Variants in CLNS1A observed in about 807,000 individuals in gnomAD.
CLNS1A encodes the protein methylosome subunit pICln.
In CLNS1A, 16 loss-of-function variants were observed where a neutral mutation model predicts 29.4. The observed-to-expected ratio is 0.54, with a 90% confidence interval of 0.37 to 0.83. CLNS1A has a LOEUF of 0.83. Ranked by LOEUF, CLNS1A falls within the 40% of genes least tolerant of loss-of-function variation. The pLI is 0.00. For missense variants in CLNS1A, 235 were observed against 287.4 expected, an observed-to-expected ratio of 0.82 and a Z score of 1.32; for synonymous variants, 96 against 104.8, an observed-to-expected ratio of 0.92 and a Z score of 0.51.
chr11:77,627,186 C>T (rs961829929), intron 2 of CLNS1A, among the ~76,000 whole-genome samples: 2 of 151,574 alleles, frequency 1.3e-5, no homozygotes, highest in African/African-American at 4.8e-5. Flanking sequence ...GTAATCCCAG[C>T]CCTTTGGGAG....
intron 1 of CLNS1A, among the ~76,000 whole-genome samples, chr11:77,636,893 T>C (rs1421927194): frequency 6.6e-6 from 1 of 152,094 alleles, no homozygotes; most frequent in African/African-American, 2.4e-5. Context: ...ACAACCACAA[T>C]ATTTACGGTA....
At chr11:77,629,062 C>T (rs1181503450) in intron 2 of CLNS1A, among the ~76,000 whole-genome samples, 2 of 152,116 alleles carry the variant, frequency 1.3e-5, no homozygotes, top group Non-Finnish European at 2.9e-5. Flanking sequence ...CCCCCTACAA[C>T]CACTGAGACC....
chr11:77,617,367 C>CAAAAAAAAAAAAAAAAAAAAAAAA (rs71043593), intron 6 of CLNS1A, among the ~76,000 whole-genome samples: 1 of 65,878 alleles, frequency 1.5e-5, no homozygotes. Context: ...AACTCCATCT[C>CAAAAAAAAAAAAAAAAAAAAAAAA]AAAAAAAAAA....
intron 2 of CLNS1A, among the ~76,000 whole-genome samples, chr11:77,626,115 G>A (rs1337984563): frequency 6.6e-6 from 1 of 152,004 alleles, no homozygotes; most frequent in East Asian, 1.9e-4. Flanking sequence ...ATGAGCTAAG[G>A]GTCAACTTTT....
intron 1 of CLNS1A, among the ~76,000 whole-genome samples, chr11:77,632,036 C>G (rs923853800): frequency 1.3e-5 from 2 of 152,166 alleles, no homozygotes; most frequent in Non-Finnish European, 2.9e-5. Flanking sequence ...TGCGCCTGGC[C>G]TAAAAGTGAT....
intron 1 of CLNS1A, among the ~76,000 whole-genome samples, chr11:77,631,723 G>T (rs2135775934): frequency 6.6e-6 from 1 of 151,752 alleles, no homozygotes; most frequent in East Asian, 1.9e-4. Flanking sequence ...AGGAAAACTA[G>T]GAAGCTTATA....
chr11:77,619,226 T>C (rs1226477895), intron 6 of CLNS1A, among the ~76,000 whole-genome samples: 1 of 152,196 alleles, frequency 6.6e-6, no homozygotes, highest in East Asian at 1.9e-4. Context: ...AAGAAAAATT[T>C]TTTTAAAGAA....
intron 6 of CLNS1A, among the ~76,000 whole-genome samples, chr11:77,617,401 G>C (rs1565123120): frequency 6.6e-6 from 1 of 150,464 alleles, no homozygotes; most frequent in Non-Finnish European, 1.5e-5. Context: ...AATTAGCCGG[G>C]TGTGGTGGTG....
intron 1 of CLNS1A, among the ~76,000 whole-genome samples, chr11:77,630,187 G>A (rs1285010582): frequency 6.6e-6 from 1 of 151,650 alleles, no homozygotes. Flanking sequence ...ACTCTTTTTT[G>A]GTATGTCTTC....
chr11:77,630,109 A>G (rs144282208), intron 1 of CLNS1A, among the ~76,000 whole-genome samples: 1 of 152,340 alleles, frequency 6.6e-6, no homozygotes, highest in Non-Finnish European at 1.5e-5. Flanking sequence ...CCCTCTAGCT[A>G]TAAATTCAAA....
chr11:77,637,777 C>A lies in CLNS1A; in HGVS notation c.-63G>T. 6.7e-7 allele frequency: 1 copy of A among 1,485,420 alleles called. No individual in the cohort carries two copies. The highest frequency in any genetic ancestry group is 2.3e-5 in the Admixed American group (1 of 42,894). 92.0% of individuals were successfully genotyped at this position (1,485,420 alleles called of 1,614,324 possible). On this transcript the variant is annotated 5_prime_UTR_variant, in exon 1 of 7. Transcript: ENST00000525428. Reference sequence around the variant, plus strand: ...GGAGCACAGCAATGCGTGCACCACACCGCCCGCCCTGGAAGAGGCAGTCAC... The same window carrying A: ...GGAGCACAGCAATGCGTGCACCACAACGCCCGCCCTGGAAGAGGCAGTCAC...
intron 5 of CLNS1A, 186 bp downstream of exon 5, chr11:77,622,314 A>G (rs776344651): frequency 1.7e-6 from 1 of 584,204 alleles, no homozygotes; most frequent in Non-Finnish European, 2.9e-6. Flanking sequence ...CTTTTTTGGT[A>G]ATGAGGAAAA....
chr11:77,624,680 G>A (rs1048558287), intron 4 of CLNS1A, among the ~76,000 whole-genome samples: 2 of 152,066 alleles, frequency 1.3e-5, no homozygotes, highest in Middle Eastern at 3.4e-3. Flanking sequence ...TTAGCCTGGC[G>A]TGGTGGCGCA....
intron 4 of CLNS1A, among the ~76,000 whole-genome samples, chr11:77,623,435 G>GT (rs945980410): frequency 1.3e-4 from 19 of 151,462 alleles, no homozygotes; most frequent in African/African-American, 4.1e-4. Flanking sequence ...CCAAAAAAAT[G>GT]TTTTTTTTAA....
intron 5 of CLNS1A, among the ~76,000 whole-genome samples, chr11:77,621,236 T>C (rs1284263378): frequency 6.6e-6 from 1 of 151,760 alleles, no homozygotes; most frequent in Non-Finnish European, 1.5e-5. Context: ...GAGGTTGCAG[T>C]AAGCCGAGGT....
At chr11:77,625,473 G>C (rs982262060) in intron 3 of CLNS1A, 12 of 489,202 alleles carry the variant, frequency 2.5e-5, no homozygotes, top group African/African-American at 2.4e-4. Context: ...ACTAACCAGA[G>C]TCCACTCACA....
chr11:77,634,042 G>A (rs933289728), intron 1 of CLNS1A, among the ~76,000 whole-genome samples: 5 of 151,838 alleles, frequency 3.3e-5, no homozygotes, highest in South Asian at 4.2e-4. Context: ...CGGAGGTTGC[G>A]GTGAGCCAAG....
chr11:77,637,743 G>C lies in CLNS1A; in HGVS notation c.-29C>G, dbSNP rs368311838. The C allele has an allele frequency of 1.3e-6, 2 of 1,546,622 alleles. No homozygotes were observed. The highest frequency in any genetic ancestry group is 1.2e-5 in the South Asian group (1 of 83,198). On this transcript the variant is annotated 5_prime_UTR_variant, in exon 1 of 7. Transcript: ENST00000525428. ...AGCAGAGTGCGGCAACACAGGCCCT[G>C]AGGGAGTTGGAGCACAGCAATGCGT...
intron 6 of CLNS1A, among the ~76,000 whole-genome samples, chr11:77,617,367 CAAAAAAAAAAAA>C (rs71043593): frequency 2.0e-4 from 13 of 65,878 alleles, no homozygotes; most frequent in African/African-American, 5.3e-4. Context: ...AACTCCATCT[CAAAAAAAAAAAA>C]AAAAAAAAAA....
Sources: allele counts gnomAD v4.1 joint callset (sites outside exome capture counted in the v4.1 genomes callset), GRCh38; gene constraint gnomAD v4.1.1; transcripts MANE v1.5; gene names NCBI Gene and HGNC (gene_info 2026-07-23, HGNC 2026-07-21).